Variants in CNKSR2 observed in about 807,000 individuals in gnomAD.
CNKSR2 encodes the protein CNK homolog protein 2.
A neutral mutation model predicts 84.4 loss-of-function variants in CNKSR2; 14 were observed. The ratio of observed to expected loss-of-function variants is 0.17; its 90% confidence interval spans 0.11 to 0.26. CNKSR2 has a LOEUF of 0.26. Ranked by LOEUF, CNKSR2 falls within the 10% of genes least tolerant of loss-of-function variation. The probability of loss-of-function intolerance (pLI) is 1.00; values close to 1 mark genes in which losing one functional copy is unlikely to be tolerated. For synonymous variants in CNKSR2, 275 were observed against 277.9 expected (o/e 0.99, Z 0.10); for missense variants, 485 against 771.2 (o/e 0.63, Z 4.40).
chrX:21,387,256 C>A (rs1043149755), intron 1 of CNKSR2, among the ~76,000 whole-genome samples: 4 of 111,426 alleles, frequency 3.6e-5, no homozygotes, highest in African/African-American at 1.3e-4. Flanking sequence ...TTGAGGTGGG[C>A]AAATCACTTG....
At chrX:21,584,336 A>G (rs1382412024) in intron 13 of CNKSR2, among the ~76,000 whole-genome samples, 1 of 112,442 alleles carries the variant, frequency 8.9e-6, no homozygotes, top group Non-Finnish European at 1.9e-5. Context: ...GGTTTGTTCA[A>G]CATCCATTCA....
At chrX:21,472,969 A>AT (rs2091216614) in intron 5 of CNKSR2, among the ~76,000 whole-genome samples, 1 of 111,523 alleles carries the variant, frequency 9.0e-6, no homozygotes, top group South Asian at 3.6e-4. Context: ...ATCACTAAAT[A>AT]TTTTTAATTT....
intron 1 of CNKSR2, among the ~76,000 whole-genome samples, chrX:21,398,001 T>G (rs1208316562): frequency 8.9e-6 from 1 of 112,099 alleles, no homozygotes; most frequent in Non-Finnish European, 1.9e-5. Context: ...CTTACTTCTA[T>G]ATAGTAGACT....
intron 20 of CNKSR2, chrX:21,642,886 C>T (rs2092696119): frequency 1.4e-6 from 1 of 698,292 alleles, no homozygotes; most frequent in South Asian, 7.5e-5. Context: ...TGTGCTCTAA[C>T]CATTTTAATG....
chrX:21,645,404 T>TG (rs1215588705), intron 20 of CNKSR2: 1 of 111,903 alleles, frequency 8.9e-6, no homozygotes, highest in Non-Finnish European at 1.9e-5. Flanking sequence ...AAATATAATT[T>TG]GGGGGGAAAT....
At chrX:21,417,878 A>G (rs747024684) in intron 1 of CNKSR2, among the ~76,000 whole-genome samples, 1 of 111,144 alleles carries the variant, frequency 9.0e-6, no homozygotes, top group East Asian at 2.8e-4. Flanking sequence ...ATGACTTTTT[A>G]TTGGAGAGTT....
At chrX:21,487,324 A>G (rs1035491678) in intron 5 of CNKSR2, among the ~76,000 whole-genome samples, 2 of 111,928 alleles carry the variant, frequency 1.8e-5, no homozygotes, top group Admixed American at 1.9e-4. Flanking sequence ...CTCCAGTTCT[A>G]TAAAACTACC....
At chrX:21,589,820 A>T (rs1363416977) in intron 13 of CNKSR2, among the ~76,000 whole-genome samples, 1 of 111,729 alleles carries the variant, frequency 9.0e-6, no homozygotes, top group Non-Finnish European at 1.9e-5. Context: ...AAAGAAAGAA[A>T]TACAGGCACA....
At chrX:21,647,747 A>C (rs748928297) in intron 20 of CNKSR2, among the ~76,000 whole-genome samples, 4 of 112,279 alleles carry the variant, frequency 3.6e-5, no homozygotes, top group Non-Finnish European at 7.5e-5. Context: ...TTACCAATTA[A>C]GGAATCTTTT....
intron 17 of CNKSR2, 35 bp downstream of exon 17, chrX:21,595,430 G>A (rs1255421445): frequency 2.2e-5 from 18 of 832,215 alleles, no homozygotes; most frequent in Non-Finnish European, 3.1e-5. Context: ...AGGTCAGTGA[G>A]GCCTAGAATT....
At chrX:21,414,315 T>C (rs931822927) in intron 1 of CNKSR2, among the ~76,000 whole-genome samples, 2 of 111,611 alleles carry the variant, frequency 1.8e-5, no homozygotes, top group African/African-American at 6.5e-5. Flanking sequence ...ATTTCTGTGA[T>C]GGTCAGTGAC....
intron 8 of CNKSR2, among the ~76,000 whole-genome samples, chrX:21,515,549 AT>A (rs764967767): frequency 5.4e-5 from 6 of 110,901 alleles, no homozygotes; most frequent in Non-Finnish European, 7.6e-5. Flanking sequence ...CTAAATGTGA[AT>A]TTTTTTTAAA....
chrX:21,599,092 G>A (rs1228878519), intron 17 of CNKSR2, among the ~76,000 whole-genome samples: 1 of 112,217 alleles, frequency 8.9e-6, no homozygotes, highest in African/African-American at 3.2e-5. Flanking sequence ...CTTAAGAATA[G>A]TTTAAACTTT....
chrX:21,449,642 G>A (rs1344108115), intron 4 of CNKSR2, among the ~76,000 whole-genome samples: 2 of 110,555 alleles, frequency 1.8e-5, no homozygotes, highest in Admixed American at 9.7e-5. Flanking sequence ...CATATCAAAT[G>A]CCCATGCTCC....
intron 1 of CNKSR2, among the ~76,000 whole-genome samples, chrX:21,400,324 G>A (rs948500148): frequency 9.1e-6 from 1 of 110,145 alleles, no homozygotes; most frequent in Non-Finnish European, 1.9e-5. Flanking sequence ...ATTTCTGATT[G>A]TAGAGTGCTT....
intron 11 of CNKSR2, among the ~76,000 whole-genome samples, chrX:21,558,718 T>C (rs1264490154): frequency 2.7e-5 from 3 of 111,418 alleles, no homozygotes; most frequent in Non-Finnish European, 5.7e-5. Context: ...AATACAATTA[T>C]GTATTTCATA....
At chrX:21,534,369 C>T (rs748165197) in intron 11 of CNKSR2, among the ~76,000 whole-genome samples, 2 of 110,201 alleles carry the variant, frequency 1.8e-5, no homozygotes, top group Non-Finnish European at 3.8e-5. Flanking sequence ...AATATCTTAG[C>T]TATTGTGAAT....
intron 20 of CNKSR2, chrX:21,641,451 C>T: frequency 9.3e-7 from 1 of 1,074,872 alleles, no homozygotes. Flanking sequence ...GATGGTATTT[C>T]TAATACAAAT....
intron 1 of CNKSR2, among the ~76,000 whole-genome samples, chrX:21,419,374 C>T (rs977839543): frequency 1.8e-5 from 2 of 111,028 alleles, no homozygotes; most frequent in Non-Finnish European, 3.8e-5. Context: ...TGTCACATAT[C>T]TTTTGTTTTT....
Sources: gnomAD v4.1 joint callset for allele counts (sites outside exome capture counted in the v4.1 genomes callset) on GRCh38, gnomAD v4.1.1 for gene constraint, MANE v1.5 for transcripts, NCBI Gene and HGNC (gene_info 2026-07-23, HGNC 2026-07-21) for gene names.